The following TGDS variants were observed in gnomAD, a reference collection of about 807,000 sequenced individuals.
TGDS encodes the protein TDP-glucose 4,6-dehydratase.
In TGDS, 47 loss-of-function variants were observed where a neutral mutation model predicts 52.3. That is an observed-to-expected ratio of 0.90 (90% CI 0.71 to 1.15). TGDS has a LOEUF of 1.15. Among genes scored for constraint, TGDS ranks in the 50% most tolerant of loss-of-function variants. The pLI, the probability that TGDS is intolerant of heterozygous loss-of-function variation, is 0.00. For synonymous variants in TGDS, 115 were observed against 136.9 expected (o/e 0.84, Z 1.12); for missense variants, 375 against 418.4 (o/e 0.90, Z 0.90).
intron 4 of TGDS, among the ~76,000 whole-genome samples, chr13:94,590,235 C>A (rs2139540284): frequency 6.8e-6 from 1 of 147,344 alleles, no homozygotes; most frequent in African/African-American, 2.5e-5. Context: ...ATTAAATATA[C>A]ATATATTTAA....
At chr13:94,582,976 C>G (rs1888851113) in intron 5 of TGDS, 118 bp downstream of exon 5, 5 of 1,093,898 alleles carry the variant, frequency 4.6e-6, no homozygotes, top group South Asian at 1.6e-5. Context: ...CCCTAATACA[C>G]TCTGAAGAGT....
At chr13:94,594,560 T>C (rs1889309746) in intron 1 of TGDS, among the ~76,000 whole-genome samples, 1 of 152,158 alleles carries the variant, frequency 6.6e-6, no homozygotes, top group Non-Finnish European at 1.5e-5. Flanking sequence ...ATTTACCATG[T>C]ATACTTAAAA....
chr13:94,578,626 A>T, intron 8 of TGDS, 104 bp downstream of exon 8: 2 of 790,908 alleles, frequency 2.5e-6, no homozygotes, highest in Non-Finnish European at 4.2e-6. Context: ...TTAGTGGGGC[A>T]TTCAATTCTA....
chr13:94,593,747 A>G (rs560174510), intron 2 of TGDS, 94 bp downstream of exon 2: 1 of 935,026 alleles, frequency 1.1e-6, no homozygotes, highest in Non-Finnish European at 1.7e-6. Flanking sequence ...TAAATAAAAA[A>G]TTTAAATATC....
rs1214703960 is a variant in TGDS, at chr13:94,574,751, T to C, written c.*31A>G. The C allele has an allele frequency of 2.8e-6, 4 of 1,431,824 alleles. No individual in the cohort carries two copies. The allele number at this position is 1,431,824 out of a possible 1,614,324, so 88.7% of individuals were successfully genotyped here. ...TGGCGAGGTAGGATAACTTTCTTCT[T>C]TGACAACTGTCTCGACTATATAAAT... On this transcript the variant is annotated 3_prime_UTR_variant, in exon 12 of 12. Coordinates refer to ENST00000261296, the MANE Select transcript of TGDS (RefSeq NM_014305.4).
In TGDS at chr13:94,586,752, T is replaced by C. The variant is rs1302282905; in HGVS notation, c.314-3516A>G. On this transcript the variant is annotated intron_variant, in intron 4 of 11. Transcript: ENST00000261296. ...ACGGATGAGAGAAGAAATCAAATTA[T>C]TTTTTTTTTTTTTTTTTTTTTTTTG... is the stretch of plus-strand genomic sequence containing the variant. Among the ~76,000 whole-genome samples, 508 of 59,070 alleles carry C rather than the reference T, an allele frequency of 8.6e-3. 10 individuals carry two copies. Among genetic ancestry groups the C allele is most frequent in the African/African-American group, 0.056 (325 of 5,838 alleles). The allele number at this position is 59,070 out of a possible 152,430, so 38.8% of individuals were successfully genotyped here. A position where few individuals can be genotyped will look rare whatever the true frequency, so the allele number is the denominator to read the frequency against.
chr13:94,577,534 G>T, intron 9 of TGDS, 105 bp from the exon 10 acceptor site: 1 of 804,598 alleles, frequency 1.2e-6, no homozygotes, highest in African/African-American at 1.8e-5. Context: ...CTCATAGCAG[G>T]GAAGACAGCT....
intron 1 of TGDS, among the ~76,000 whole-genome samples, chr13:94,595,075 T>C (rs76683513): frequency 0.082 from 12,513 of 152,042 alleles, 727 homozygotes; most frequent in Non-Finnish European, 0.12. Context: ...GTGTGCTAGT[T>C]GGGAGAGGGG....
In TGDS at chr13:94,578,659, T is replaced by C. The variant is rs377042131; in HGVS notation, c.659+71A>G. On this transcript the variant is annotated intron_variant, in intron 8 of 11. Transcript: ENST00000261296. ...CTATGGCCTTTAAGACTTTATGATA[T>C]TTAAGAAAGTGTCACCAAATACTCT... 192 of 1,187,810 alleles carry C rather than the reference T, an allele frequency of 1.6e-4. No homozygotes were observed. In the African/African-American group the frequency reaches 2.7e-3, roughly 17 times the overall value. 73.6% of individuals were successfully genotyped at this position (1,187,810 alleles called of 1,614,324 possible).
At chr13:94,592,352 A>G (rs762509504) in intron 2 of TGDS, 43 bp from the exon 3 acceptor site, 39 of 1,494,054 alleles carry the variant, frequency 2.6e-5, no homozygotes, top group Non-Finnish European at 3.4e-5. Flanking sequence ...AAAAAGTGAC[A>G]TTAGCTTTTC....
rs370484533 is a variant in TGDS, at chr13:94,581,099, G to A, written c.547C>T (p.Gln183Ter). The A allele has an allele frequency of 6.5e-7, 1 of 1,545,444 alleles. No homozygotes were observed. The highest frequency in any genetic ancestry group is 2.3e-5 in the East Asian group (1 of 43,840). The part of the protein sequence containing the change: ...AECFVQSYWE[Q>*]YKFPVVITRS... ...CTGCAATCAGTTCTTACCTTATATT[G>A]TTCCCAGTAAGACTGTACAAAACAT... The change falls in exon 6 of 12, where the codon CAA becomes TAA. Residue 183 changes from glutamine (Q) to a stop codon, truncating the protein, a stop_gained. Coordinates refer to ENST00000261296, the MANE Select transcript of TGDS (RefSeq NM_014305.4). LOFTEE classifies it high-confidence loss of function.
intron 1 of TGDS, among the ~76,000 whole-genome samples, chr13:94,595,656 C>T (rs1889348516): frequency 1.3e-5 from 2 of 152,002 alleles, no homozygotes; most frequent in South Asian, 4.1e-4. Context: ...ACATAGATGT[C>T]CTATTATAGT....
At chr13:94,594,673 C>T (rs555984422) in intron 1 of TGDS, among the ~76,000 whole-genome samples, 116 of 152,272 alleles carry the variant, frequency 7.6e-4, no homozygotes, top group African/African-American at 2.7e-3. Flanking sequence ...CCTTCCTGGA[C>T]CCGCACTCTC....
intron 1 of TGDS, among the ~76,000 whole-genome samples, chr13:94,594,786 A>G (rs557657249): frequency 3.3e-5 from 5 of 152,236 alleles, no homozygotes; most frequent in African/African-American, 1.2e-4. Context: ...AGAAGGGGTG[A>G]TTTAATGTGC....
intron 6 of TGDS, among the ~76,000 whole-genome samples, chr13:94,580,449 A>G (rs1344378435): frequency 6.6e-6 from 1 of 152,216 alleles, no homozygotes; most frequent in Admixed American, 6.5e-5. Context: ...AGCAGTGGGA[A>G]GCCAAATGTA....
At chr13:94,595,932 C>G (rs759990311) in intron 1 of TGDS, 119 bp downstream of exon 1, 49 of 1,107,792 alleles carry the variant, frequency 4.4e-5, no homozygotes, top group Non-Finnish European at 6.7e-5. Flanking sequence ...TAGGACCCTC[C>G]CCATATCAGA....
intron 4 of TGDS, among the ~76,000 whole-genome samples, 153 bp from the exon 5 acceptor site, chr13:94,583,389 T>G (rs1888870284): frequency 6.6e-6 from 1 of 152,232 alleles, no homozygotes; most frequent in African/African-American, 2.4e-5. Flanking sequence ...GGCAGTCATA[T>G]TTATGATTTC....
intron 7 of TGDS, chr13:94,579,672 T>C: frequency 2.4e-6 from 1 of 409,846 alleles, no homozygotes; most frequent in South Asian, 4.5e-5. Context: ...AAATCCCTGC[T>C]AAGTGGTGAA....
rs1432122867 is a variant in TGDS, at chr13:94,574,627, G to A, written c.*155C>T. On this transcript the variant is annotated 3_prime_UTR_variant, in exon 12 of 12. Transcript: ENST00000261296. ...ATGCCAGTACTGAAACTCTCCCAAA[G>A]ATTGAGGCATTCTGCATTTGAATTT... is the stretch of plus-strand genomic sequence containing the variant. 2 of 551,028 alleles carry A rather than the reference G, an allele frequency of 3.6e-6. No homozygotes were observed. The highest frequency in any genetic ancestry group is 6.4e-6 in the Non-Finnish European group (2 of 310,794). 34.1% of individuals were successfully genotyped at this position (551,028 alleles called of 1,614,324 possible).
Sources: allele counts gnomAD v4.1 joint callset (sites outside exome capture counted in the v4.1 genomes callset), GRCh38; gene constraint gnomAD v4.1.1; transcripts MANE v1.5; gene names NCBI Gene and HGNC (gene_info 2026-07-23, HGNC 2026-07-21).